Variants in EHHADH observed in about 807,000 individuals in gnomAD.
EHHADH encodes peroxisomal bifunctional enzyme.
A neutral mutation model predicts 64.4 loss-of-function variants in EHHADH; 48 were observed. That is an observed-to-expected ratio of 0.75 (90% CI 0.59 to 0.95). The LOEUF is 0.95. EHHADH is among the 40% of genes least tolerant of loss of function. The pLI is 0.00. For synonymous variants in EHHADH, 308 were observed against 326.7 expected (o/e 0.94, Z 0.62); for missense variants, 854 against 876.6 (o/e 0.97, Z 0.33).
intron 4 of EHHADH, among the ~76,000 whole-genome samples, chr3:185,218,958 G>T (rs1718765623): frequency 6.6e-6 from 1 of 152,150 alleles, no homozygotes; most frequent in African/African-American, 2.4e-5. Context: ...AGGAGGTGGA[G>T]ATTACAGTGG....
chr3:185,202,038 T>C (rs896127133), intron 6 of EHHADH, among the ~76,000 whole-genome samples: 1 of 152,216 alleles, frequency 6.6e-6, no homozygotes, highest in Non-Finnish European at 1.5e-5. Context: ...ATCCATCTTC[T>C]TAAAAAATCA....
At chr3:185,245,957 C>A in intron 2 of EHHADH, 2 of 1,491,746 alleles carry the variant, frequency 1.3e-6, no homozygotes. Context: ...CCAAGCAGGG[C>A]CTGTCTGATT....
rs1056531553 is a variant in EHHADH, at chr3:185,201,703, C to T, written c.910+2713G>A. Among the ~76,000 whole-genome samples the T allele has an allele frequency of 6.6e-5, 10 of 152,250 alleles. No individual in the cohort carries two copies. The East Asian group carries it at 1.2e-3, about 18-fold the overall frequency. Reference sequence around the variant, plus strand: ...CTACGTGTCTTTTATATATTTAGTACGCCCTTTCCAATATTTTTCAAAACA... The same window carrying T: ...CTACGTGTCTTTTATATATTTAGTATGCCCTTTCCAATATTTTTCAAAACA... On this transcript the variant is annotated intron_variant, in intron 6 of 6. Transcript: ENST00000231887.
At chr3:185,203,880 C>T (rs1718297753) in intron 6 of EHHADH, among the ~76,000 whole-genome samples, 1 of 152,044 alleles carries the variant, frequency 6.6e-6, no homozygotes, top group African/African-American at 2.4e-5. Context: ...TGGCTCACAC[C>T]TGTAATCTCA....
intron 2 of EHHADH, among the ~76,000 whole-genome samples, chr3:185,244,211 C>T (rs1309102154): frequency 6.6e-6 from 1 of 152,022 alleles, no homozygotes; most frequent in African/African-American, 2.4e-5. Flanking sequence ...TATCTTTTTC[C>T]ACTCCATTGA....
At position 185,192,297 on chromosome 3, in the gene EHHADH, G is replaced by GT. The variant is rs747455018; in HGVS notation, c.2100dup (p.Leu701ThrfsTer20). 1.1e-4 allele frequency: 173 copies of GT among 1,614,176 alleles called. No homozygotes were observed. The highest frequency in any genetic ancestry group is 1.6e-4 in the Middle Eastern group (1 of 6,062). On this transcript the variant is annotated frameshift_variant, in exon 7 of 7. Transcript: ENST00000231887. LOFTEE classifies it high-confidence loss of function. ...AGGGGAGGGTTTCCCTGAGAAGCCA[G>GT]TTTTTTTAGATAGTCACTTGGCTCC...
chr3:185,234,930 C>A (rs1042124119), intron 3 of EHHADH, among the ~76,000 whole-genome samples: 3 of 152,180 alleles, frequency 2.0e-5, no homozygotes, highest in African/African-American at 7.2e-5. Flanking sequence ...TGCCTGTAAT[C>A]CCAGCACTTT....
At chr3:185,214,314 A>T (rs768011666) in intron 5 of EHHADH, among the ~76,000 whole-genome samples, 2 of 152,194 alleles carry the variant, frequency 1.3e-5, no homozygotes, top group African/African-American at 2.4e-5. Flanking sequence ...CATGATTTGA[A>T]ACCAGCTAAT....
intron 4 of EHHADH, among the ~76,000 whole-genome samples, chr3:185,218,485 GACC>G (rs1228541126): frequency 2.6e-5 from 4 of 152,024 alleles, no homozygotes; most frequent in South Asian, 4.2e-4. Context: ...ACTGCACCAG[GACC>G]ACAATTTCCT....
intron 2 of EHHADH, among the ~76,000 whole-genome samples, chr3:185,240,568 C>T (rs1719421479): frequency 6.6e-6 from 1 of 151,658 alleles, no homozygotes; most frequent in African/African-American, 2.4e-5. Flanking sequence ...TAGAGATGTG[C>T]ACAGTAGTCT....
intron 2 of EHHADH, among the ~76,000 whole-genome samples, chr3:185,242,095 T>A (rs1719470903): frequency 6.6e-6 from 1 of 151,866 alleles, no homozygotes; most frequent in South Asian, 2.1e-4. Flanking sequence ...TGCAAAAAAA[T>A]AAAATAAACT....
At chr3:185,249,257 T>G (rs1025945466) in intron 1 of EHHADH, among the ~76,000 whole-genome samples, 5 of 152,006 alleles carry the variant, frequency 3.3e-5, no homozygotes, top group Admixed American at 3.3e-4. Context: ...GCCTCCTGAG[T>G]AGCTGGGACT....
At chr3:185,246,215 A>C (rs1304264726) in intron 2 of EHHADH, 1 of 940,534 alleles carries the variant, frequency 1.1e-6, no homozygotes. Flanking sequence ...TTTTCTTTTG[A>C]TTAAAGAAGT....
At chr3:185,206,593 C>T (rs537060805) in intron 5 of EHHADH, among the ~76,000 whole-genome samples, 2 of 151,956 alleles carry the variant, frequency 1.3e-5, no homozygotes, top group Non-Finnish European at 2.9e-5. Flanking sequence ...TTTGGGAGGC[C>T]GAGGCGGGTG....
intron 5 of EHHADH, among the ~76,000 whole-genome samples, chr3:185,210,157 C>G (rs1478696370): frequency 1.3e-5 from 2 of 152,152 alleles, no homozygotes; most frequent in Non-Finnish European, 2.9e-5. Flanking sequence ...ATAGACAGCG[C>G]TGGGATATCT....
rs762950712 is a variant in EHHADH at position 185,193,338 on chromosome 3, T to C, written c.1060A>G (p.Ser354Gly). 1.2e-6 allele frequency: 2 copies of C among 1,613,858 alleles called. No individual in the cohort carries two copies. The highest frequency in any genetic ancestry group is 2.7e-5 in the African/African-American group (2 of 74,902). Residue 354 changes from serine to glycine, a missense_variant, in exon 7 of 7, where the codon AGC becomes GGC. Ser to Gly is a moderately conservative substitution (Grantham distance 56). Coordinates refer to ENST00000231887, the MANE Select transcript of EHHADH (RefSeq NM_001966.4). ...TTTGGTCCTGACCAAGGGTGGCCGCTCTGTTGCATTTTGGAGGCTTCTTTT... is the reference window on the plus strand; with the variant it reads ...TTTGGTCCTGACCAAGGGTGGCCGCCCTGTTGCATTTTGGAGGCTTCTTTT... ...LEKEASKMQQ[S>G]GHPWSGPKPR...
chr3:185,237,844 T>C (rs1719338787), intron 2 of EHHADH, among the ~76,000 whole-genome samples: 1 of 152,152 alleles, frequency 6.6e-6, no homozygotes, highest in Non-Finnish European at 1.5e-5. Flanking sequence ...GTTTTTGGTG[T>C]GCCTATCACC....
rs1001754853 is a variant in EHHADH at position 185,229,638 on chromosome 3, C to T, written c.352-95G>A. On this transcript the variant is annotated intron_variant, in intron 3 of 6. Coordinates refer to ENST00000231887, the MANE Select transcript of EHHADH (RefSeq NM_001966.4). ...CCTGGATTTCCTGTATTCTCAAAAG[C>T]ATGGTGTCACTGAATTCAGCAAGAT... 4.4e-6 allele frequency: 3 copies of T among 689,464 alleles called. 1 individual carries two copies. In the South Asian group the frequency reaches 1.4e-4, roughly 33 times the overall value. 42.7% of individuals were successfully genotyped at this position (689,464 alleles called of 1,614,324 possible).
At chr3:185,236,895 CTG>C (rs1309436466) in intron 2 of EHHADH, among the ~76,000 whole-genome samples, 1 of 152,218 alleles carries the variant, frequency 6.6e-6, no homozygotes, top group Non-Finnish European at 1.5e-5. Flanking sequence ...GTTTCATATA[CTG>C]TGTCATTTAA....
Sources: allele counts gnomAD v4.1 joint callset (sites outside exome capture counted in the v4.1 genomes callset), GRCh38; gene constraint gnomAD v4.1.1; transcripts MANE v1.5; gene names NCBI Gene and HGNC (gene_info 2026-07-23, HGNC 2026-07-21).